Variants in KCNMB2 observed in about 807,000 individuals in gnomAD.
The protein encoded by KCNMB2 is calcium-activated potassium channel subunit beta-2.
KCNMB2 carries 9 observed loss-of-function variants against 24.5 expected under a neutral mutation model. The observed-to-expected ratio is 0.37, with a 90% CI of 0.22 to 0.64. The LOEUF (loss-of-function observed/expected upper bound fraction) is 0.64. Among genes scored for constraint, KCNMB2 ranks in the 30% least tolerant of loss-of-function variants. KCNMB2 has a pLI of 0.63. For missense variants in KCNMB2, 226 were observed against 284.3 expected, an observed-to-expected ratio of 0.79 and a Z score of 1.47; for synonymous variants, 109 against 104.4, an observed-to-expected ratio of 1.04 and a Z score of -0.27.
chr3:178,770,881 C>T (rs1231281013), intron 1 of KCNMB2, among the ~76,000 whole-genome samples: 2 of 152,144 alleles, frequency 1.3e-5, no homozygotes, highest in Non-Finnish European at 2.9e-5. Flanking sequence ...AGAGTCAGAA[C>T]TCAAGTCTTT....
intron 1 of KCNMB2, among the ~76,000 whole-genome samples, chr3:178,716,028 T>C (rs1246957581): frequency 6.6e-6 from 1 of 152,216 alleles, no homozygotes; most frequent in Non-Finnish European, 1.5e-5. Context: ...TATCTTTCCA[T>C]ACTGTCAGTT....
At chr3:178,725,929 C>A (rs1559991064) in intron 1 of KCNMB2, among the ~76,000 whole-genome samples, 1 of 151,598 alleles carries the variant, frequency 6.6e-6, no homozygotes, top group Non-Finnish European at 1.5e-5. Flanking sequence ...ATATTTAGAT[C>A]ATTTGCTTTT....
rs1438269461 is a variant in KCNMB2, at chr3:178,557,717, G to C, written c.-68+21006G>C. On this transcript the variant is annotated intron_variant, in intron 1 of 4. Transcript: ENST00000452583. ...AATAGAGCTTTAGTGAAGGCTTTAAGTAAAGGTATCAAGAATAAGGAAATC... is the reference window on the plus strand; with the variant it reads ...AATAGAGCTTTAGTGAAGGCTTTAACTAAAGGTATCAAGAATAAGGAAATC... Among the ~76,000 whole-genome samples, 3 of 152,216 alleles carry C rather than the reference G, an allele frequency of 2.0e-5. No homozygotes were observed. In the East Asian group the frequency reaches 5.8e-4, roughly 29 times the overall value.
At chr3:178,766,731 C>T (rs144643928) in intron 1 of KCNMB2, among the ~76,000 whole-genome samples, 67 of 152,168 alleles carry the variant, frequency 4.4e-4, no homozygotes, top group African/African-American at 1.5e-3. Flanking sequence ...GATATGTGGA[C>T]GTTACTTTAG....
chr3:178,620,061 T>A (rs191477107), intron 1 of KCNMB2, among the ~76,000 whole-genome samples: 1 of 152,294 alleles, frequency 6.6e-6, no homozygotes, highest in African/African-American at 2.4e-5. Flanking sequence ...AAGATAGGCA[T>A]TCTTATTGAC....
intron 1 of KCNMB2, among the ~76,000 whole-genome samples, chr3:178,591,578 G>C (rs1717676142): frequency 6.6e-6 from 1 of 152,160 alleles, no homozygotes; most frequent in South Asian, 2.1e-4. Flanking sequence ...TACTCAGCCA[G>C]ACTGTCACAT....
At chr3:178,666,097 G>C (rs908567087) in intron 1 of KCNMB2, among the ~76,000 whole-genome samples, 1 of 152,114 alleles carries the variant, frequency 6.6e-6, no homozygotes, top group Non-Finnish European at 1.5e-5. Flanking sequence ...GCAGACCAGG[G>C]AAGTAGGTGT....
intron 1 of KCNMB2, among the ~76,000 whole-genome samples, chr3:178,740,182 G>T (rs542417503): frequency 1.3e-5 from 2 of 151,122 alleles, no homozygotes; most frequent in African/African-American, 4.9e-5. Context: ...GCAATGGTGC[G>T]ATCTCAGCTC....
chr3:178,655,288 T>C (rs1304673359), intron 1 of KCNMB2, among the ~76,000 whole-genome samples: 3 of 152,154 alleles, frequency 2.0e-5, no homozygotes, highest in South Asian at 4.1e-4. Context: ...ATTATTGTAT[T>C]ATGTGTTAGT....
chr3:178,608,047 T>C (rs1205924761), intron 1 of KCNMB2, among the ~76,000 whole-genome samples: 1 of 152,036 alleles, frequency 6.6e-6, no homozygotes, highest in East Asian at 1.9e-4. Context: ...AGCACAGAAA[T>C]ATACATGAGA....
intron 2 of KCNMB2, among the ~76,000 whole-genome samples, chr3:178,813,987 T>TGG: frequency 8.9e-6 from 1 of 112,322 alleles, no homozygotes; most frequent in East Asian, 2.1e-4. Flanking sequence ...TTGTTGTTGC[T>TGG]GCTGCTGCTG....
intron 1 of KCNMB2, among the ~76,000 whole-genome samples, chr3:178,742,974 G>C (rs1723544073): frequency 6.6e-6 from 1 of 152,118 alleles, no homozygotes. Context: ...TAAATTGAAT[G>C]ATTTTTTGAG....
At chr3:178,667,394 A>G (rs1156610265) in intron 1 of KCNMB2, among the ~76,000 whole-genome samples, 1 of 152,252 alleles carries the variant, frequency 6.6e-6, no homozygotes, top group Admixed American at 6.5e-5. Context: ...CCTCATAAAA[A>G]AGGCTTCACA....
chr3:178,663,857 T>C (rs2108573681), intron 1 of KCNMB2, among the ~76,000 whole-genome samples: 1 of 152,264 alleles, frequency 6.6e-6, no homozygotes, highest in Middle Eastern at 3.4e-3. Flanking sequence ...TTTAAGGGTG[T>C]TAAACTGATG....
rs1724331354 is a variant in KCNMB2, at chr3:178,758,576, A to C, written c.-67-48767A>C. The stretch of plus-strand genomic sequence containing the variant: ...TCCAAGAGGAGATATATATATATAT[A>C]TATATATATCCAAGAGGAGATATAT... On this transcript the variant is annotated intron_variant, in intron 1 of 4. Coordinates refer to ENST00000452583, the MANE Select transcript of KCNMB2 (RefSeq NM_181361.3). Among the ~76,000 whole-genome samples the C allele has an allele frequency of 2.6e-4, 19 of 74,282 alleles. 4 individuals carry two copies. The highest frequency in any genetic ancestry group is 5.2e-4 in the Non-Finnish European group (19 of 36,270). The allele number at this position is 74,282 out of a possible 152,430, so 48.7% of individuals were successfully genotyped here.
chr3:178,706,059 G>A (rs1374983795), intron 1 of KCNMB2, among the ~76,000 whole-genome samples: 8 of 152,064 alleles, frequency 5.3e-5, no homozygotes, highest in South Asian at 2.1e-4. Flanking sequence ...TTGTCTTGTC[G>A]GAGCTCACAG....
chr3:178,796,090 A>G (rs1017966554), intron 1 of KCNMB2, among the ~76,000 whole-genome samples: 1 of 152,176 alleles, frequency 6.6e-6, no homozygotes, highest in African/African-American at 2.4e-5. Context: ...ACTATCTTAT[A>G]TTATAATGTA....
chr3:178,792,855 G>A (rs975533361), intron 1 of KCNMB2, among the ~76,000 whole-genome samples: 1 of 152,224 alleles, frequency 6.6e-6, no homozygotes, highest in African/African-American at 2.4e-5. Flanking sequence ...TGCCAAGCCT[G>A]CAGCCTGACG....
intron 1 of KCNMB2, among the ~76,000 whole-genome samples, chr3:178,640,691 C>T (rs1396519159): frequency 1.3e-5 from 2 of 152,154 alleles, no homozygotes; most frequent in African/African-American, 2.4e-5. Context: ...CCAAAATTCT[C>T]ATTTTTTAAT....
Sources: allele counts gnomAD v4.1 joint callset (sites outside exome capture counted in the v4.1 genomes callset), GRCh38; gene constraint gnomAD v4.1.1; transcripts MANE v1.5; gene names NCBI Gene and HGNC (gene_info 2026-07-23, HGNC 2026-07-21).